The following DST variants were observed in gnomAD, a reference collection of about 807,000 sequenced individuals.
DST encodes dystonin, also known as bullous pemphigoid antigen.
DST carries 253 observed loss-of-function variants against 875.2 expected under a neutral mutation model. The observed-to-expected ratio is 0.29, with a 90% CI of 0.26 to 0.32. The LOEUF (loss-of-function observed/expected upper bound fraction) is 0.32, where lower values mean the gene tolerates loss of function less well. Ranked by LOEUF, DST falls within the 10% of genes least tolerant of loss-of-function variation. The pLI is 1.00. For missense variants in DST, 8,287 were observed against 9,111.6 expected (o/e 0.91, Z 3.68); for synonymous variants, 3,124 against 3,197.1 (o/e 0.98, Z 0.77).
At chr6:56,634,653 T>C (rs1391481183) in intron 25 of DST, 37 bp from the exon 26 acceptor site, 3 of 1,613,042 alleles carry the variant, frequency 1.9e-6, no homozygotes, top group East Asian at 2.2e-5. Context: ...CTCAATGAGG[T>C]CACTGTTAAC....
chr6:56,871,441 C>T, intron 3 of DST: 1 of 1,596,444 alleles, frequency 6.3e-7, no homozygotes, highest in Admixed American at 1.7e-5. Context: ...GGTCGGTGGC[C>T]CAAAAAGAGT....
At chr6:56,692,793 C>A (rs937026160) in intron 9 of DST, 11 of 1,289,738 alleles carry the variant, frequency 8.5e-6, no homozygotes, top group Non-Finnish European at 1.1e-5. Flanking sequence ...CACAGTCAGA[C>A]CAACTGCTTA....
chr6:56,610,686 A>T, intron 38 of DST, 124 bp from the exon 39 acceptor site: 1 of 707,462 alleles, frequency 1.4e-6, no homozygotes, highest in East Asian at 2.9e-5. Flanking sequence ...CATATTGCTC[A>T]GGTCTCAGTA....
chr6:56,888,408 C>G (rs1441414553), intron 3 of DST, among the ~76,000 whole-genome samples: 1 of 152,108 alleles, frequency 6.6e-6, no homozygotes, highest in East Asian at 1.9e-4. Flanking sequence ...ATTCATTCTC[C>G]AGAATTCCAA....
chr6:56,784,680 G>A (rs539561603), intron 4 of DST, among the ~76,000 whole-genome samples: 1 of 152,274 alleles, frequency 6.6e-6, no homozygotes, highest in South Asian at 2.1e-4. Context: ...ATTTCCTCCT[G>A]TAGCTCGGAG....
chr6:56,923,485 A>T (rs2127744866), intron 2 of DST, among the ~76,000 whole-genome samples: 1 of 151,540 alleles, frequency 6.6e-6, no homozygotes, highest in South Asian at 2.1e-4. Context: ...AAAAAAAAAA[A>T]AAATCCTGAT....
chr6:56,603,278 G>A lies in DST; in HGVS notation c.11084C>T (p.Thr3695Ile), dbSNP rs1586314679. Residue 3695 changes from threonine to isoleucine, a missense_variant, in exon 42 of 104, where the codon ACC becomes ATC. By Grantham distance (89) the Thr-to-Ile change is moderately conservative (BLOSUM62 -1). This residue lies in a region of DST where 3,138 missense variants were observed against 3,116.6 expected (regional missense o/e 1.01). Coordinates refer to ENST00000680361, the MANE Select transcript of DST (RefSeq NM_001374736.1). Reference protein sequence around the residue: ...ELSISHQSLKTAFSSLSNVSS... With the variant: ...ELSISHQSLKIAFSSLSNVSS... ...CACGTTGCTGAGGGAAGAGAAGGCGGTCTTCAAACTCTGGTGGCTAATACT... is the reference window on the plus strand; with the variant it reads ...CACGTTGCTGAGGGAAGAGAAGGCGATCTTCAAACTCTGGTGGCTAATACT... 1 of 1,610,172 alleles carries A rather than the reference G, an allele frequency of 6.2e-7. No individual in the cohort carries two copies. The highest frequency in any genetic ancestry group is 8.5e-7 in the Non-Finnish European group (1 of 1,178,558).
intron 58 of DST, 89 bp from the exon 59 acceptor site, chr6:56,557,607 G>A: frequency 6.1e-6 from 6 of 978,528 alleles, no homozygotes; most frequent in Non-Finnish European, 9.0e-6. Flanking sequence ...GATTTAAAAT[G>A]ATATATAATG....
At chr6:56,755,145 A>C (rs894132900) in intron 4 of DST, among the ~76,000 whole-genome samples, 9 of 152,088 alleles carry the variant, frequency 5.9e-5, no homozygotes, top group African/African-American at 1.9e-4. Flanking sequence ...AAAAAAAAAA[A>C]AACAAGACAT....
At chr6:56,692,495 C>T in intron 9 of DST, 2 of 1,289,578 alleles carry the variant, frequency 1.6e-6, no homozygotes, top group Non-Finnish European at 2.0e-6. Flanking sequence ...CAAAATCTCT[C>T]AGTGTTTTGC....
chr6:56,818,782 T>C lies in DST; in HGVS notation c.625+32615A>G, dbSNP rs374221624. 1.1e-4 allele frequency among the ~76,000 whole-genome samples: 16 copies of C among 152,182 alleles called. No individual in the cohort carries two copies. The East Asian group carries it at 3.1e-3, about 29-fold the overall frequency. ...TCCCAAAGGTTTCAAAGTACTCTGA[T>C]ATGTAAACAATGTCACAGAGCAATA... is the stretch of plus-strand genomic sequence containing the variant. On this transcript the variant is annotated intron_variant, in intron 4 of 103. Coordinates refer to ENST00000680361, the MANE Select transcript of DST (RefSeq NM_001374736.1).
chr6:56,643,740 G>C (rs1290293926), intron 15 of DST, among the ~76,000 whole-genome samples: 1 of 152,200 alleles, frequency 6.6e-6, no homozygotes, highest in East Asian at 1.9e-4. Flanking sequence ...TCTTTTCAGG[G>C]GTCAAGAAAG....
intron 8 of DST, among the ~76,000 whole-genome samples, chr6:56,700,369 G>A (rs1371852292): frequency 6.6e-6 from 1 of 152,134 alleles, no homozygotes; most frequent in Non-Finnish European, 1.5e-5. Flanking sequence ...CTCCTCAAGT[G>A]AGAAGTCCTA....
intron 90 of DST, among the ~76,000 whole-genome samples, chr6:56,477,929 T>C (rs963823768): frequency 6.6e-6 from 1 of 152,204 alleles, no homozygotes; most frequent in Non-Finnish European, 1.5e-5. Context: ...GAAAAAAGTA[T>C]GTATATCTTC....
rs866682203 is a variant in DST, at chr6:56,692,837, C to T, written c.1047+6816G>A. On this transcript the variant is annotated intron_variant, in intron 9 of 103. Coordinates refer to ENST00000680361, the MANE Select transcript of DST (RefSeq NM_001374736.1). ...GGCAGAAGTTTCTGTTTAACGCTGTCAGCTACAACTTCTGTCTTCTTTTGC... is the reference window on the plus strand; with the variant it reads ...GGCAGAAGTTTCTGTTTAACGCTGTTAGCTACAACTTCTGTCTTCTTTTGC... The T allele has an allele frequency of 1.0e-5, 13 of 1,289,682 alleles. No homozygotes were observed. In the Admixed American group the frequency reaches 2.3e-4, roughly 23 times the overall value. The allele number at this position is 1,289,682 out of a possible 1,614,324, so 79.9% of individuals were successfully genotyped here.
intron 97 of DST, among the ~76,000 whole-genome samples, chr6:56,469,245 T>C (rs558287868): frequency 3.3e-5 from 5 of 152,130 alleles, no homozygotes; most frequent in African/African-American, 1.2e-4. Context: ...ATGATTATTT[T>C]TTTAAGTATA....
chr6:56,700,517 T>A (rs910554059), intron 8 of DST, among the ~76,000 whole-genome samples: 5 of 152,220 alleles, frequency 3.3e-5, no homozygotes, highest in Non-Finnish European at 7.3e-5. Flanking sequence ...TTAAAATAAC[T>A]AGCATTATTT....
chr6:56,476,056 G>T, intron 92 of DST, 93 bp downstream of exon 92: 1 of 1,144,540 alleles, frequency 8.7e-7, no homozygotes, highest in Non-Finnish European at 1.2e-6. Flanking sequence ...TGAAAATAAC[G>T]AGAACAAAGC....
intron 71 of DST, 41 bp downstream of exon 71, chr6:56,517,157 T>A: frequency 6.9e-7 from 1 of 1,450,104 alleles, no homozygotes; most frequent in Non-Finnish European, 9.7e-7. Context: ...ACCTGCTGTT[T>A]TTTCAAGAGT....
Sources: allele counts gnomAD v4.1 joint callset (sites outside exome capture counted in the v4.1 genomes callset), GRCh38; gene constraint gnomAD v4.1.1; regional missense constraint gnomAD v4.1.1; transcripts MANE v1.5; gene names NCBI Gene and HGNC (gene_info 2026-07-23, HGNC 2026-07-21).